The following DOCK1 variants were observed in gnomAD, a reference collection of about 807,000 sequenced individuals.
The protein encoded by DOCK1 is dedicator of cytokinesis 1.
Under a neutral mutation model 262.7 loss-of-function variants are expected in DOCK1, and 138 were observed. That is an observed-to-expected ratio of 0.53 (90% CI 0.46 to 0.61). The LOEUF (loss-of-function observed/expected upper bound fraction) is 0.61, where lower values mean the gene tolerates loss of function less well. Among genes scored for constraint, DOCK1 ranks in the 20% least tolerant of loss-of-function variants. The probability of loss-of-function intolerance (pLI) is 0.00; values close to 1 mark genes in which losing one functional copy is unlikely to be tolerated. For synonymous variants in DOCK1, 866 were observed against 867.4 expected, an observed-to-expected ratio of 1.00 and a Z score of 0.03; for missense variants, 1,908 against 2,370.7, an observed-to-expected ratio of 0.80 and a Z score of 4.05.
intron 33 of DOCK1, among the ~76,000 whole-genome samples, chr10:127,366,642 C>G (rs1175529233): frequency 1.3e-5 from 2 of 151,118 alleles, no homozygotes; most frequent in Admixed American, 1.3e-4. Flanking sequence ...GCTGGTCTTC[C>G]TAAAGCACAA....
chr10:127,051,972 A>C (rs2044751865), intron 21 of DOCK1, among the ~76,000 whole-genome samples: 1 of 152,044 alleles, frequency 6.6e-6, no homozygotes. Flanking sequence ...TTATGAAAAA[A>C]ATTTTTGTGT....
intron 27 of DOCK1, among the ~76,000 whole-genome samples, chr10:127,141,284 G>A (rs2051216227): frequency 6.6e-6 from 1 of 152,182 alleles, no homozygotes; most frequent in Admixed American, 6.5e-5. Flanking sequence ...CTCGAATGCA[G>A]GCACCATAAT....
At chr10:127,435,610 G>C (rs2069633395) in intron 48 of DOCK1, among the ~76,000 whole-genome samples, 1 of 152,192 alleles carries the variant, frequency 6.6e-6, no homozygotes, top group South Asian at 2.1e-4. Context: ...GTTATGGAAA[G>C]GTTTTTATAT....
chr10:127,240,079 G>A (rs2059211462), intron 27 of DOCK1, among the ~76,000 whole-genome samples: 1 of 152,032 alleles, frequency 6.6e-6, no homozygotes, highest in Non-Finnish European at 1.5e-5. Flanking sequence ...CTATAAAAAT[G>A]AAATCGATTT....
intron 1 of DOCK1, among the ~76,000 whole-genome samples, chr10:126,936,452 C>T (rs1432556835): frequency 2.6e-5 from 4 of 152,256 alleles, no homozygotes; most frequent in African/African-American, 7.2e-5. Context: ...TATTTATAGA[C>T]AGTGAAATTT....
At chr10:127,367,321 C>T (rs1448558772) in intron 33 of DOCK1, among the ~76,000 whole-genome samples, 4 of 152,130 alleles carry the variant, frequency 2.6e-5, no homozygotes, top group Admixed American at 1.3e-4. Flanking sequence ...ACAAATGTTC[C>T]TTCGGAATAG....
chr10:127,229,729 TC>T (rs2058772225), intron 27 of DOCK1, among the ~76,000 whole-genome samples: 1 of 152,204 alleles, frequency 6.6e-6, no homozygotes, highest in South Asian at 2.1e-4. Context: ...TGATTTCATT[TC>T]CTTTGGGTAT....
At chr10:127,253,164 G>A (rs36078995) in intron 28 of DOCK1, among the ~76,000 whole-genome samples, 50,745 of 152,030 alleles carry the variant, frequency 0.33, 9,753 homozygotes, top group South Asian at 0.57. Context: ...CCTGCCCAAG[G>A]GGCTGCTGGC....
In DOCK1 at chr10:127,407,342, G is replaced by T. The variant is rs914888291; in HGVS notation, c.4123-1695G>T. ...GGGAGGGCCATTCCTCATAGATGGCGCCTTCCACCTGTTCTCATGGGGTGG... is the reference window on the plus strand; with the variant it reads ...GGGAGGGCCATTCCTCATAGATGGCTCCTTCCACCTGTTCTCATGGGGTGG... On this transcript the variant is annotated intron_variant, in intron 40 of 51. Coordinates refer to ENST00000623213, the MANE Select transcript of DOCK1 (RefSeq NM_001290223.2). Among the ~76,000 whole-genome samples, 3 of 152,106 alleles carry T rather than the reference G, an allele frequency of 2.0e-5. 1 individual carries two copies. The highest frequency in any genetic ancestry group is 2.0e-4 in the Admixed American group (3 of 15,276).
At chr10:127,360,699 C>G (rs1331614507) in intron 32 of DOCK1, among the ~76,000 whole-genome samples, 4 of 152,174 alleles carry the variant, frequency 2.6e-5, no homozygotes, top group African/African-American at 9.7e-5. Flanking sequence ...CAAACGATTT[C>G]TCTTTCAGAG....
chr10:126,990,347 G>C lies in DOCK1; in HGVS notation c.325-108G>C, dbSNP rs956853308. On this transcript the variant is annotated intron_variant, in intron 5 of 51. Coordinates refer to ENST00000623213, the MANE Select transcript of DOCK1 (RefSeq NM_001290223.2). ...TAATTCAACATTAACTAAATCTCAT[G>C]ATCTAGTGCTTATACCTCATGCGTA... The C allele has an allele frequency of 5.5e-6, 6 of 1,091,176 alleles. No individual in the cohort carries two copies. The East Asian group carries it at 1.4e-4, about 25-fold the overall frequency. The allele number at this position is 1,091,176 out of a possible 1,614,324, so 67.6% of individuals were successfully genotyped here.
At chr10:127,390,889 G>A (rs943213) in intron 38 of DOCK1, among the ~76,000 whole-genome samples, 120,725 of 152,230 alleles carry the variant, frequency 0.79, 47,924 homozygotes, top group Admixed American at 0.83. Context: ...CAACATTCAC[G>A]GATGTGGCTC....
intron 28 of DOCK1, among the ~76,000 whole-genome samples, chr10:127,256,867 A>G (rs1480245579): frequency 6.6e-6 from 1 of 152,210 alleles, no homozygotes; most frequent in Non-Finnish European, 1.5e-5. Context: ...GGTCAGGAGT[A>G]CCTGTTGGAG....
chr10:127,069,410 G>A (rs2046073872), intron 23 of DOCK1, among the ~76,000 whole-genome samples: 1 of 152,200 alleles, frequency 6.6e-6, no homozygotes, highest in African/African-American at 2.4e-5. Context: ...CAACCAATGA[G>A]ATGTTGGCAC....
chr10:127,106,197 A>G (rs750614826), intron 23 of DOCK1, 34 bp from the exon 24 acceptor site: 2 of 1,561,986 alleles, frequency 1.3e-6, no homozygotes, highest in Non-Finnish European at 8.7e-7. Flanking sequence ...CCTAACCTGC[A>G]TGCTGCTCAG....
At chr10:127,221,238 T>A (rs1351591500) in intron 27 of DOCK1, among the ~76,000 whole-genome samples, 3 of 152,216 alleles carry the variant, frequency 2.0e-5, no homozygotes, top group Non-Finnish European at 4.4e-5. Context: ...AGGAGCATTT[T>A]ATATTCACGT....
intron 16 of DOCK1, among the ~76,000 whole-genome samples, chr10:127,026,912 A>C (rs182357599): frequency 8.6e-4 from 131 of 152,310 alleles, no homozygotes; most frequent in African/African-American, 2.9e-3. Flanking sequence ...CTGCTATTTG[A>C]ATCACTCTCC....
chr10:127,448,244 C>T (rs1457200178), intron 51 of DOCK1, among the ~76,000 whole-genome samples: 1 of 152,202 alleles, frequency 6.6e-6, no homozygotes, highest in East Asian at 1.9e-4. Context: ...AGCGTGAGTC[C>T]CTGAAGCTGG....
chr10:127,354,702 A>G lies in DOCK1; in HGVS notation c.3258A>G (p.Glu1086=). ...ATATGAGGAGACAGATTGGCTTTGAAATCAGAGACATGTGGTACAACCTTG... is the reference window on the plus strand; with the variant it reads ...ATATGAGGAGACAGATTGGCTTTGAGATCAGAGACATGTGGTACAACCTTG... ...YGDMRRQIGF[E]IRDMWYNLGQ... The change falls in exon 32 of 52, where the codon GAA becomes GAG. Residue 1086 remains glutamate, a synonymous_variant. Coordinates refer to ENST00000623213, the MANE Select transcript of DOCK1 (RefSeq NM_001290223.2). 6.2e-7 allele frequency: 1 copy of G among 1,613,946 alleles called. No individual in the cohort carries two copies. The highest frequency in any genetic ancestry group is 2.2e-5 in the East Asian group (1 of 44,884).
Sources: gnomAD v4.1 joint callset for allele counts (sites outside exome capture counted in the v4.1 genomes callset) on GRCh38, gnomAD v4.1.1 for gene constraint, MANE v1.5 for transcripts, NCBI Gene and HGNC (gene_info 2026-07-23, HGNC 2026-07-21) for gene names.